Variants in SPATS2L observed in about 807,000 individuals in gnomAD.
SPATS2L encodes SPATS2-like protein.
SPATS2L carries 30 observed loss-of-function variants against 59.6 expected under a neutral mutation model. That is an observed-to-expected ratio of 0.50 (90% CI 0.38 to 0.68). SPATS2L has a LOEUF of 0.68. SPATS2L is among the 30% of genes least tolerant of loss of function. The pLI, the probability that SPATS2L is intolerant of heterozygous loss-of-function variation, is 0.00. For missense variants in SPATS2L, 615 were observed against 700.0 expected, an observed-to-expected ratio of 0.88 and a Z score of 1.37; for synonymous variants, 252 against 263.5, an observed-to-expected ratio of 0.96 and a Z score of 0.42.
chr2:200,423,183 C>T (rs1396293008), intron 6 of SPATS2L, among the ~76,000 whole-genome samples: 2 of 152,140 alleles, frequency 1.3e-5, no homozygotes, highest in Admixed American at 6.6e-5. Context: ...ATGTTTGGAC[C>T]GCAGTTGACC....
In SPATS2L at chr2:200,306,813, C is replaced by T; in HGVS notation, c.-182C>T. On this transcript the variant is annotated 5_prime_UTR_variant, in exon 1 of 13. Coordinates refer to ENST00000409140, the MANE Select transcript of SPATS2L (RefSeq NM_001100423.2). The stretch of plus-strand genomic sequence containing the variant: ...GGCCCAGGCAGCGGCTCCCGCTCGG[C>T]CCGCCCTCCGAGCCGCAGGGGCCGC... 1 of 980,934 alleles carries T rather than the reference C, an allele frequency of 1.0e-6. No homozygotes were observed. Among genetic ancestry groups the T allele is most frequent in the Non-Finnish European group, 1.2e-6 (1 of 828,156 alleles). 60.8% of individuals were successfully genotyped at this position (980,934 alleles called of 1,614,324 possible). A position where few individuals can be genotyped will look rare whatever the true frequency, so the allele number is the denominator to read the frequency against.
chr2:200,384,561 C>T (rs2081930932), intron 2 of SPATS2L, among the ~76,000 whole-genome samples: 1 of 152,140 alleles, frequency 6.6e-6, no homozygotes, highest in Non-Finnish European at 1.5e-5. Flanking sequence ...ACCGTGTTAG[C>T]CAGGATGGTC....
At chr2:200,457,041 A>G (rs908323161) in intron 8 of SPATS2L, among the ~76,000 whole-genome samples, 1 of 152,150 alleles carries the variant, frequency 6.6e-6, no homozygotes, top group African/African-American at 2.4e-5. Flanking sequence ...TAAGGGATAA[A>G]AATTCAAAAC....
At chr2:200,416,273 C>CAAAAAAAAAAAAAA (rs5837739) in intron 4 of SPATS2L, 106 bp from the exon 5 acceptor site, 1 of 318,486 alleles carries the variant, frequency 3.1e-6, no homozygotes. Flanking sequence ...ATGAAAAAGC[C>CAAAAAAAAAAAAAA]AAAAAAAAAA....
rs1574369954 is a variant in SPATS2L at position 200,315,106 on chromosome 2, T to C, written c.-73+8184T>C. 2.0e-5 allele frequency among the ~76,000 whole-genome samples: 3 copies of C among 152,340 alleles called. No individual in the cohort carries two copies. In the South Asian group the frequency reaches 6.2e-4, roughly 32 times the overall value. On this transcript the variant is annotated intron_variant, in intron 1 of 12. Coordinates refer to ENST00000409140, the MANE Select transcript of SPATS2L (RefSeq NM_001100423.2). ...ACAGCATTGTTAGGGAACATCTCAT[T>C]CCCAGGAGATGCATCCTGTACGAGC...
intron 1 of SPATS2L, among the ~76,000 whole-genome samples, chr2:200,328,583 C>A (rs1170668266): frequency 6.6e-6 from 1 of 152,188 alleles, no homozygotes; most frequent in Admixed American, 6.5e-5. Context: ...GCCCCGTCCC[C>A]TTCTTTCCAG....
chr2:200,307,539 C>T (rs1407266893), intron 1 of SPATS2L, among the ~76,000 whole-genome samples: 2 of 152,158 alleles, frequency 1.3e-5, no homozygotes, highest in African/African-American at 2.4e-5. Flanking sequence ...AGCGCCCTGG[C>T]CGCGGGACGA....
chr2:200,347,688 G>A lies in SPATS2L; in HGVS notation c.-23+18208G>A, dbSNP rs1385505886. 5.3e-5 allele frequency among the ~76,000 whole-genome samples: 8 copies of A among 152,142 alleles called. No homozygotes were observed. In the East Asian group the frequency reaches 1.5e-3, roughly 29 times the overall value. Reference sequence around the variant, plus strand: ...AGCAAAGTAGGGCTAGGAGAAGTGGGGGTGGATGGATACTGAATGATCATA... The same window carrying A: ...AGCAAAGTAGGGCTAGGAGAAGTGGAGGTGGATGGATACTGAATGATCATA... On this transcript the variant is annotated intron_variant, in intron 2 of 12. Transcript: ENST00000409140.
intron 2 of SPATS2L, chr2:200,372,263 C>G: frequency 1.1e-6 from 1 of 904,270 alleles, no homozygotes; most frequent in Non-Finnish European, 1.3e-6. Flanking sequence ...TAAGTGAATT[C>G]CCTCTCCATT....
At chr2:200,410,303 T>G (rs575652755) in intron 3 of SPATS2L, among the ~76,000 whole-genome samples, 1 of 152,168 alleles carries the variant, frequency 6.6e-6, no homozygotes, top group African/African-American at 2.4e-5. Flanking sequence ...TAATGTGTAT[T>G]GTTGAACACA....
At chr2:200,449,481 A>C (rs2085295926) in intron 8 of SPATS2L, among the ~76,000 whole-genome samples, 1 of 152,226 alleles carries the variant, frequency 6.6e-6, no homozygotes, top group South Asian at 2.1e-4. Context: ...GGAAGACAAG[A>C]AATTGGTTCT....
intron 2 of SPATS2L, among the ~76,000 whole-genome samples, chr2:200,342,211 C>T (rs1406194727): frequency 2.0e-5 from 3 of 152,130 alleles, no homozygotes; most frequent in Non-Finnish European, 4.4e-5. Context: ...GCACAGGGCC[C>T]TGAAACACAA....
intron 2 of SPATS2L, among the ~76,000 whole-genome samples, chr2:200,346,967 A>G (rs1406807449): frequency 6.6e-6 from 1 of 152,152 alleles, no homozygotes; most frequent in African/African-American, 2.4e-5. Context: ...TAGTTACATT[A>G]TTTTTCAATT....
At chr2:200,437,794 A>G (rs1334933726) in intron 6 of SPATS2L, among the ~76,000 whole-genome samples, 2 of 152,218 alleles carry the variant, frequency 1.3e-5, no homozygotes, top group African/African-American at 4.8e-5. Context: ...GAATGGACTA[A>G]TGTCTAAAAT....
intron 5 of SPATS2L, 109 bp from the exon 6 acceptor site, chr2:200,419,141 A>G (rs1468222378): frequency 2.0e-5 from 22 of 1,074,972 alleles, no homozygotes; most frequent in Non-Finnish European, 2.9e-5. Flanking sequence ...GTCTATAAGA[A>G]GAGCCAGGAA....
chr2:200,393,013 C>A, intron 3 of SPATS2L: 1 of 332,170 alleles, frequency 3.0e-6, no homozygotes, highest in Non-Finnish European at 6.0e-6. Flanking sequence ...AAAATAGCAG[C>A]AAGATGTCCC....
At chr2:200,321,887 A>G (rs1329703856) in intron 1 of SPATS2L, among the ~76,000 whole-genome samples, 1 of 152,228 alleles carries the variant, frequency 6.6e-6, no homozygotes, top group Non-Finnish European at 1.5e-5. Context: ...AGGGGAGATA[A>G]GTCATTCGCT....
chr2:200,473,747 C>T (rs1273658105), intron 12 of SPATS2L, among the ~76,000 whole-genome samples: 2 of 152,168 alleles, frequency 1.3e-5, no homozygotes, highest in East Asian at 3.9e-4. Flanking sequence ...CTCCTATAAT[C>T]CCAGCACTTT....
intron 2 of SPATS2L, among the ~76,000 whole-genome samples, chr2:200,356,149 TG>T (rs1436243424): frequency 6.6e-6 from 1 of 152,228 alleles, no homozygotes; most frequent in Non-Finnish European, 1.5e-5. Context: ...GGGTATTATG[TG>T]TATCTATCTA....
Sources: gnomAD v4.1 joint callset for allele counts (sites outside exome capture counted in the v4.1 genomes callset) on GRCh38, gnomAD v4.1.1 for gene constraint, MANE v1.5 for transcripts, NCBI Gene and HGNC (gene_info 2026-07-23, HGNC 2026-07-21) for gene names.